BUD13: variants seen among roughly 807,000 people sequenced by gnomAD.
BUD13 encodes BUD13 homolog.
Under a neutral mutation model 62.5 loss-of-function variants are expected in BUD13, and 47 were observed. That is an observed-to-expected ratio of 0.75 (90% CI 0.60 to 0.96). The LOEUF is 0.96. BUD13 is among the 40% of genes least tolerant of loss of function. The probability of loss-of-function intolerance (pLI) is 0.00; values close to 1 mark genes in which losing one functional copy is unlikely to be tolerated. For synonymous variants in BUD13, 293 were observed against 280.1 expected (o/e 1.05, Z -0.46); for missense variants, 821 against 790.9 (o/e 1.04, Z -0.46).
chr11:116,769,334 T>C (rs2134185574), intron 2 of BUD13, among the ~76,000 whole-genome samples: 1 of 152,358 alleles, frequency 6.6e-6, no homozygotes, highest in East Asian at 1.9e-4. Flanking sequence ...TTTACCATAC[T>C]GTTGAAATTT....
At chr11:116,762,441 T>G in intron 4 of BUD13, 112 bp downstream of exon 4, 1 of 967,950 alleles carries the variant, frequency 1.0e-6, no homozygotes, top group Non-Finnish European at 1.5e-6. Flanking sequence ...CCTCTCACTT[T>G]TCAAAACTTT....
chr11:116,767,791 C>T (rs1426235889), intron 2 of BUD13, among the ~76,000 whole-genome samples: 1 of 151,100 alleles, frequency 6.6e-6, no homozygotes, highest in African/African-American at 2.4e-5. Context: ...CTGGGCAACA[C>T]AGAGACCTCA....
At chr11:116,764,173 A>G (rs909449638) in intron 3 of BUD13, among the ~76,000 whole-genome samples, 5 of 152,250 alleles carry the variant, frequency 3.3e-5, no homozygotes, top group African/African-American at 1.2e-4. Flanking sequence ...ACAGAATGAA[A>G]TATCTATAGC....
At chr11:116,771,378 C>T (rs1364704249) in intron 1 of BUD13, among the ~76,000 whole-genome samples, 3 of 152,038 alleles carry the variant, frequency 2.0e-5, no homozygotes, top group East Asian at 1.9e-4. Flanking sequence ...AACTGGAATA[C>T]GAAATATTCA....
chr11:116,770,372 A>G (rs1165435155), intron 1 of BUD13, 150 bp from the exon 2 acceptor site: 12 of 609,042 alleles, frequency 2.0e-5, no homozygotes, highest in Admixed American at 1.4e-4. Context: ...TCCTACTGCT[A>G]CTTCCTTGGT....
chr11:116,751,495 G>A (rs540659442), intron 9 of BUD13, among the ~76,000 whole-genome samples: 77 of 152,222 alleles, frequency 5.1e-4, no homozygotes, highest in African/African-American at 1.6e-3. Context: ...TGGGCGTGGT[G>A]CTCACGCCTG....
At chr11:116,770,079 T>G (rs767242968) in intron 2 of BUD13, 50 bp downstream of exon 2, 1 of 1,272,184 alleles carries the variant, frequency 7.9e-7, no homozygotes, top group Non-Finnish European at 1.1e-6. Context: ...AAAAAGGAAA[T>G]TGAGAAGCTT....
intron 9 of BUD13, among the ~76,000 whole-genome samples, chr11:116,756,814 G>A (rs992493009): frequency 2.0e-5 from 3 of 152,108 alleles, no homozygotes; most frequent in Non-Finnish European, 4.4e-5. Flanking sequence ...GATATATCAG[G>A]TAGAAGGCTC....
rs58457459 is a variant in BUD13, at chr11:116,770,073, A to AAG, written c.237+55_237+56insCT. The AAG allele has an allele frequency of 1.8e-5, 25 of 1,352,476 alleles. No individual in the cohort carries two copies. The East Asian group carries it at 5.7e-4, about 31-fold the overall frequency. The allele number at this position is 1,352,476 out of a possible 1,614,324, so 83.8% of individuals were successfully genotyped here. A position where few individuals can be genotyped will look rare whatever the true frequency, so the allele number is the denominator to read the frequency against. ...CTCCGTCTCAAAAAAAAAAAAAAAA[A>AAG]GGAAATTGAGAAGCTTGCTTCATTT... On this transcript the variant is annotated intron_variant, in intron 2 of 9. Coordinates refer to ENST00000260210, the MANE Select transcript of BUD13 (RefSeq NM_032725.4).
chr11:116,766,353 C>T (rs1316833060), intron 2 of BUD13, among the ~76,000 whole-genome samples: 3 of 152,186 alleles, frequency 2.0e-5, no homozygotes, highest in Admixed American at 6.5e-5. Context: ...CGGAGAAGTT[C>T]AGTAACTTTC....
intron 8 of BUD13, among the ~76,000 whole-genome samples, chr11:116,757,551 C>T (rs1380696731): frequency 6.6e-6 from 1 of 151,892 alleles, no homozygotes; most frequent in African/African-American, 2.4e-5. Context: ...CCACCCACCT[C>T]GGCCTCCCGA....
At position 116,757,208 on chromosome 11, in the gene BUD13, A is replaced by G; in HGVS notation, c.1704T>C (p.Gly568=). The stretch of plus-strand genomic sequence containing the variant: ...TAAATCTGTTGGGAGGAGGTGCTGG[A>G]CCACTGTAGCGAGGTCTCACTAATG... The part of the protein sequence containing the change: ...KNKKVRPRYS[G]PAPPPNRFNI... The change falls in exon 9 of 10, where the codon GGT becomes GGC. Residue 568 remains glycine (G), a synonymous_variant. Coordinates refer to ENST00000260210, the MANE Select transcript of BUD13 (RefSeq NM_032725.4). 6 of 1,614,174 alleles carry G rather than the reference A, an allele frequency of 3.7e-6. No individual in the cohort carries two copies. The highest frequency in any genetic ancestry group is 5.1e-6 in the Non-Finnish European group (6 of 1,179,998).
At chr11:116,755,728 CTGTTT>C (rs1261424218) in intron 9 of BUD13, among the ~76,000 whole-genome samples, 4 of 152,104 alleles carry the variant, frequency 2.6e-5, no homozygotes, top group African/African-American at 9.7e-5. Flanking sequence ...TGCCATCCTT[CTGTTT>C]TTTCACTTGG....
chr11:116,748,614 G>A (rs978025234), intron 9 of BUD13, 39 bp from the exon 10 acceptor site: 2 of 1,572,494 alleles, frequency 1.3e-6, no homozygotes, highest in Admixed American at 1.7e-5. Flanking sequence ...CTAGAACCCT[G>A]AAAGGGGCAT....
chr11:116,757,869 A>T lies in BUD13; in HGVS notation c.1581T>A (p.Asp527Glu). 1 of 1,614,166 alleles carries T rather than the reference A, an allele frequency of 6.2e-7. No individual in the cohort carries two copies. Among genetic ancestry groups the T allele is most frequent in the Non-Finnish European group, 8.5e-7 (1 of 1,180,036 alleles). The change falls in exon 8 of 10, where the codon GAT becomes GAA. Residue 527 changes from aspartate (D) to glutamate (E), a missense_variant. By Grantham distance (45) the Asp-to-Glu change is conservative. Around this residue, in one of 2 missense-constraint regions of BUD13, gnomAD observed 800 missense variants for 739.2 expected, o/e 1.08. Coordinates refer to ENST00000260210, the MANE Select transcript of BUD13 (RefSeq NM_032725.4). ...EMQKPLARYI[D>E]DEDLDRMLRE... ...TTAGCATCCTATCCAGATCTTCGTC[A>T]TCAATATAGCGGGCCAGAGGCTTTT...
intron 9 of BUD13, among the ~76,000 whole-genome samples, chr11:116,748,980 CAAAAAAAAAAA>C (rs58988682): frequency 3.4e-5 from 3 of 87,016 alleles, no homozygotes; most frequent in Non-Finnish European, 6.8e-5. Context: ...GACTCTGTCT[CAAAAAAAAAAA>C]AAAAAAAAAA....
At position 116,759,067 on chromosome 11, in the gene BUD13, T is replaced by G; in HGVS notation, c.1360+7A>C. 6.2e-7 allele frequency: 1 copy of G among 1,612,002 alleles called. No individual in the cohort carries two copies. The highest frequency in any genetic ancestry group is 8.5e-7 in the Non-Finnish European group (1 of 1,178,242). Reference sequence around the variant, plus strand: ...CTAAATTGGTCTCTGCACTTTCATATTTTTACCTTCAAATGCCATGGTTTC... The same window carrying G: ...CTAAATTGGTCTCTGCACTTTCATAGTTTTACCTTCAAATGCCATGGTTTC... On this transcript the variant is annotated splice_region_variant and intron_variant, in intron 6 of 9. Coordinates refer to ENST00000260210, the MANE Select transcript of BUD13 (RefSeq NM_032725.4).
At chr11:116,766,701 T>C (rs906218372) in intron 2 of BUD13, among the ~76,000 whole-genome samples, 6 of 152,220 alleles carry the variant, frequency 3.9e-5, no homozygotes, top group Non-Finnish European at 5.9e-5. Flanking sequence ...TGACACCTAT[T>C]AATTATTCCT....
intron 9 of BUD13, among the ~76,000 whole-genome samples, chr11:116,753,637 T>A (rs879841377): frequency 2.6e-5 from 4 of 152,212 alleles, no homozygotes; most frequent in Non-Finnish European, 5.9e-5. Context: ...AAGAAAAAGC[T>A]GTCAATAGAA....
Sources: gnomAD v4.1 joint callset for allele counts (sites outside exome capture counted in the v4.1 genomes callset) on GRCh38, gnomAD v4.1.1 for gene constraint, gnomAD v4.1.1 regional missense constraint, MANE v1.5 for transcripts, NCBI Gene and HGNC (gene_info 2026-07-23, HGNC 2026-07-21) for gene names.